SAFB2: variants seen among roughly 807,000 people sequenced by gnomAD.
SAFB2 encodes the protein scaffold attachment factor B2.
SAFB2 carries 32 observed loss-of-function variants against 100.6 expected under a neutral mutation model. The ratio of observed to expected loss-of-function variants is 0.32; its 90% CI spans 0.24 to 0.43. The LOEUF is 0.43. Among genes scored for constraint, SAFB2 ranks in the 20% least tolerant of loss-of-function variants. The pLI, the probability that SAFB2 is intolerant of heterozygous loss-of-function variation, is 1.00. For missense variants in SAFB2, 1,185 were observed against 1,163.4 expected, an observed-to-expected ratio of 1.02 and a Z score of -0.27; for synonymous variants, 500 against 439.4, an observed-to-expected ratio of 1.14 and a Z score of -1.72.
intron 8 of SAFB2, 130 bp from the exon 9 acceptor site, chr19:5,610,225 G>A (rs1045865633): frequency 7.0e-6 from 5 of 710,486 alleles, no homozygotes; most frequent in East Asian, 2.7e-5. Flanking sequence ...AGAATTTAAC[G>A]CACACACACA....
At chr19:5,617,252 A>AT (rs2053052667) in intron 2 of SAFB2, among the ~76,000 whole-genome samples, 1 of 152,046 alleles carries the variant, frequency 6.6e-6, no homozygotes, top group Non-Finnish European at 1.5e-5. Context: ...GGTCTTTGTC[A>AT]TTTTTTAGCT....
chr19:5,613,639 T>C, intron 4 of SAFB2, 112 bp from the exon 5 acceptor site: 3 of 1,514,334 alleles, frequency 2.0e-6, no homozygotes, highest in South Asian at 1.3e-5. Context: ...CCTTTTGCCA[T>C]CTGCAAGTCT....
At chr19:5,608,893 CA>C (rs1263787749) in intron 9 of SAFB2, among the ~76,000 whole-genome samples, 18 of 151,948 alleles carry the variant, frequency 1.2e-4, no homozygotes, top group African/African-American at 4.3e-4. Context: ...ACTGAAAATA[CA>C]AAAATTAGCC....
In SAFB2 at chr19:5,610,543, C is replaced by T. The variant is rs889779899; in HGVS notation, c.1195+96G>A. Reference sequence around the variant, plus strand: ...TTGATTCCGGTAACCCATAACAAAACAAATTACTGAATCCAAAGTGTGTAT... The same window carrying T: ...TTGATTCCGGTAACCCATAACAAAATAAATTACTGAATCCAAAGTGTGTAT... On this transcript the variant is annotated intron_variant, in intron 8 of 20. Transcript: ENST00000252542. 4.3e-6 allele frequency: 4 copies of T among 927,686 alleles called. No individual in the cohort carries two copies. The Admixed American group carries it at 1.1e-4, about 26-fold the overall frequency. 57.5% of individuals were successfully genotyped at this position (927,686 alleles called of 1,614,324 possible).
chr19:5,588,605 T>C (rs747793218), intron 18 of SAFB2, among the ~76,000 whole-genome samples: 54 of 151,842 alleles, frequency 3.6e-4, no homozygotes, highest in Non-Finnish European at 6.3e-4. Flanking sequence ...GAGCCCTGAA[T>C]ACCCAAGGCT....
intron 14 of SAFB2, among the ~76,000 whole-genome samples, chr19:5,594,421 G>C (rs1361633666): frequency 6.6e-6 from 1 of 152,224 alleles, no homozygotes; most frequent in African/African-American, 2.4e-5. Context: ...CAAATGCTGT[G>C]AGCACAGCTT....
chr19:5,609,940 G>A (rs1333927801), intron 9 of SAFB2, 55 bp downstream of exon 9: 2 of 1,484,344 alleles, frequency 1.3e-6, no homozygotes, highest in East Asian at 2.3e-5. Context: ...GCCCAGCAGA[G>A]CTTCCTTTTT....
At chr19:5,600,046 G>T in intron 12 of SAFB2, 84 bp downstream of exon 12, 1 of 1,404,108 alleles carries the variant, frequency 7.1e-7, no homozygotes, top group Non-Finnish European at 9.8e-7. Flanking sequence ...ACCAGAGCTT[G>T]CTGTCCTCAC....
chr19:5,616,593 C>G, intron 2 of SAFB2, 107 bp from the exon 3 acceptor site: 1 of 814,252 alleles, frequency 1.2e-6, no homozygotes, highest in Non-Finnish European at 2.1e-6. Context: ...ACAAGATAAA[C>G]TATAAGTCTC....
chr19:5,612,662 A>C (rs1178126043), intron 5 of SAFB2, 95 bp from the exon 6 acceptor site: 1 of 956,818 alleles, frequency 1.0e-6, no homozygotes, highest in Non-Finnish European at 1.6e-6. Context: ...TCTGTGAATA[A>C]ATGCCTGTTT....
rs955759811 is a variant in SAFB2, at chr19:5,616,598, A to G, written c.275-112T>C. 7.9e-6 allele frequency: 7 copies of G among 889,894 alleles called. No homozygotes were observed. The Admixed American group carries it at 1.1e-4, about 14-fold the overall frequency. 55.1% of individuals were successfully genotyped at this position (889,894 alleles called of 1,614,324 possible). The stretch of plus-strand genomic sequence containing the variant: ...AGAACACATTACAAGATAAACTATA[A>G]GTCTCCCCTCTCCTGTCACACGTAA... On this transcript the variant is annotated intron_variant, in intron 2 of 20. Transcript: ENST00000252542.
chr19:5,601,254 C>T (rs2052649915), intron 11 of SAFB2, among the ~76,000 whole-genome samples: 2 of 152,208 alleles, frequency 1.3e-5, no homozygotes, highest in African/African-American at 4.8e-5. Context: ...TCTCCTCTCC[C>T]TCATCCCTGC....
intron 9 of SAFB2, among the ~76,000 whole-genome samples, 189 bp from the exon 10 acceptor site, chr19:5,605,125 G>C (rs1344983790): frequency 8.1e-6 from 1 of 123,636 alleles, no homozygotes; most frequent in Non-Finnish European, 1.7e-5. Flanking sequence ...TTTTTTTTTT[G>C]AGACAGTTTC....
At chr19:5,589,758 C>T (rs1326048129) in intron 18 of SAFB2, among the ~76,000 whole-genome samples, 2 of 152,154 alleles carry the variant, frequency 1.3e-5, no homozygotes, top group Non-Finnish European at 2.9e-5. Flanking sequence ...GCTTTGGACA[C>T]CTGTGGAGGA....
rs200242558 is a variant in SAFB2 at position 5,587,273 on chromosome 19, G to T, written c.2832C>A (p.Pro944=). Residue 944 remains proline, a synonymous_variant, in exon 21 of 21, where the codon CCC becomes CCA. Coordinates refer to ENST00000252542, the MANE Select transcript of SAFB2 (RefSeq NM_014649.3). This position sits in a 1 kb window ranked among gnomAD's most constrained non-coding sequence, Gnocchi z 4.9. ...AGCGGCGGGTGAAGTGGGGGTACGG[G>T]GGGGGATGAGGGTGTGGGTGAGGGA... ...SRVPHPHPHP[P]PYPHFTRRY 39 of 1,613,290 alleles carry T rather than the reference G, an allele frequency of 2.4e-5. No individual in the cohort carries two copies. The South Asian group carries it at 3.3e-4, about 14-fold the overall frequency.
At position 5,587,444 on chromosome 19, in the gene SAFB2, C is replaced by T. The variant is rs964562149; in HGVS notation, c.2706-45G>A. ...ATTTTTTTCCCCTTGAAGTGCTCAG[C>T]GTTTTCATCGTAACATGGGTTCAGT... is the stretch of plus-strand genomic sequence containing the variant. On this transcript the variant is annotated intron_variant, in intron 20 of 20. Transcript: ENST00000252542. This position sits in a 1 kb window ranked among gnomAD's most constrained non-coding sequence, Gnocchi z 4.9. 28 of 1,560,070 alleles carry T rather than the reference C, an allele frequency of 1.8e-5. No homozygotes were observed. The highest frequency in any genetic ancestry group is 1.1e-4 in the Admixed American group (6 of 52,596).
At chr19:5,609,288 A>C (rs1367136675) in intron 9 of SAFB2, among the ~76,000 whole-genome samples, 3 of 146,750 alleles carry the variant, frequency 2.0e-5, no homozygotes, top group Non-Finnish European at 4.5e-5. Context: ...AAAGTCAATT[A>C]TTCACTTCAT....
chr19:5,596,610 C>T (rs893187657), intron 13 of SAFB2, among the ~76,000 whole-genome samples: 6 of 152,086 alleles, frequency 3.9e-5, no homozygotes, highest in Non-Finnish European at 7.4e-5. Flanking sequence ...CCCAAAGTGC[C>T]GGGATTACAG....
rs765971328 is a variant in SAFB2 at position 5,587,880 on chromosome 19, C to A, written c.2626G>T (p.Ala876Ser). 11 of 1,610,904 alleles carry A rather than the reference C, an allele frequency of 6.8e-6. No homozygotes were observed. The highest frequency in any genetic ancestry group is 9.3e-6 in the Non-Finnish European group (11 of 1,179,040). Reference protein sequence around the residue: ...MDAGAASREHARWQGGERGLS... With the variant: ...MDAGAASREHSRWQGGERGLS... ...GCCAGCCCCGTACCTTGCCACCTGG[C>A]GTGCTCCCGGCTAGCCGCGCCTGCG... The change falls in exon 19 of 21, where the codon GCC becomes TCC. Residue 876 changes from alanine (A) to serine (S), a missense_variant. Physicochemically the swap from Ala to Ser is moderately conservative, Grantham distance 99 (BLOSUM62 1). Coordinates refer to ENST00000252542, the MANE Select transcript of SAFB2 (RefSeq NM_014649.3). The surrounding 1 kb of genome is among the most constrained non-coding windows in gnomAD (Gnocchi z 4.9).
Sources: gnomAD v4.1 joint callset for allele counts (sites outside exome capture counted in the v4.1 genomes callset) on GRCh38, gnomAD v4.1.1 for gene constraint, Gnocchi (gnomAD v3.1) non-coding constraint, MANE v1.5 for transcripts, NCBI Gene and HGNC (gene_info 2026-07-23, HGNC 2026-07-21) for gene names.